Variants in SAMD3 observed in about 807,000 individuals in gnomAD.
The protein encoded by SAMD3 is sterile alpha motif domain containing 3, also known as sterile alpha motif domain-containing protein 3.
Under a neutral mutation model 58.5 loss-of-function variants are expected in SAMD3, and 63 were observed. That is an observed-to-expected ratio of 1.08 (90% CI 0.88 to 1.33). The LOEUF (loss-of-function observed/expected upper bound fraction) is 1.33, where lower values mean the gene tolerates loss of function less well. Among genes scored for constraint, SAMD3 ranks in the 40% most tolerant of loss-of-function variants. SAMD3 has a pLI of 0.00. For synonymous variants in SAMD3, 220 were observed against 210.3 expected, an observed-to-expected ratio of 1.05 and a Z score of -0.40; for missense variants, 604 against 608.4, an observed-to-expected ratio of 0.99 and a Z score of 0.08.
intron 1 of SAMD3, among the ~76,000 whole-genome samples, chr6:130,218,811 A>T (rs1309682364): frequency 6.6e-6 from 1 of 152,208 alleles, no homozygotes; most frequent in Admixed American, 6.5e-5. Flanking sequence ...AAGTAAAAAA[A>T]ACCAGAAAAA....
At chr6:130,335,672 C>A (rs1160583872) in intron 1 of SAMD3, among the ~76,000 whole-genome samples, 6 of 152,030 alleles carry the variant, frequency 3.9e-5, no homozygotes. Flanking sequence ...GGGTATATAC[C>A]CAAAGGACTA....
chr6:130,176,530 C>T (rs1791749833), intron 7 of SAMD3, among the ~76,000 whole-genome samples: 1 of 152,198 alleles, frequency 6.6e-6, no homozygotes, highest in Non-Finnish European at 1.5e-5. Flanking sequence ...GACCAACTCC[C>T]CACTCTGGGA....
At chr6:130,152,963 C>T (rs1024005056) in intron 9 of SAMD3, among the ~76,000 whole-genome samples, 3 of 152,142 alleles carry the variant, frequency 2.0e-5, no homozygotes, top group African/African-American at 7.2e-5. Flanking sequence ...ATATTCATCA[C>T]TAAGCCTTTG....
intron 2 of SAMD3, among the ~76,000 whole-genome samples, chr6:130,290,812 TAAAC>T (rs1000696115): frequency 3.9e-5 from 6 of 152,218 alleles, no homozygotes; most frequent in Admixed American, 3.9e-4. Flanking sequence ...TGGCTACTAT[TAAAC>T]AAAAGCCATT....
chr6:130,278,687 T>C (rs118010043), intron 2 of SAMD3, among the ~76,000 whole-genome samples: 3,286 of 152,236 alleles, frequency 0.022, 52 homozygotes, highest in Non-Finnish European at 0.028. Context: ...GGCTTTTCAT[T>C]GCCTCAGTCC....
chr6:130,299,589 G>A (rs1446530361), intron 2 of SAMD3, among the ~76,000 whole-genome samples: 1 of 152,016 alleles, frequency 6.6e-6, no homozygotes, highest in Non-Finnish European at 1.5e-5. Flanking sequence ...AAAGCTAACA[G>A]AAGAAAAGCA....
intron 2 of SAMD3, among the ~76,000 whole-genome samples, chr6:130,246,604 A>C (rs945262509): frequency 1.3e-5 from 2 of 152,112 alleles, no homozygotes; most frequent in African/African-American, 4.8e-5. Context: ...GAGCATATAC[A>C]AATGCACAGT....
intron 2 of SAMD3, chr6:130,215,680 C>T (rs1481653929): frequency 1.4e-6 from 2 of 1,434,778 alleles, no homozygotes; most frequent in Non-Finnish European, 9.1e-7. Context: ...CCAGGCTCCT[C>T]AGGAAGTGGT....
At chr6:130,293,561 G>C (rs1775455079) in intron 2 of SAMD3, among the ~76,000 whole-genome samples, 1 of 151,236 alleles carries the variant, frequency 6.6e-6, no homozygotes, top group Non-Finnish European at 1.5e-5. Flanking sequence ...TCCTTAAGTA[G>C]GAAGTTGCTT....
At chr6:130,215,607 A>G (rs886611078) in intron 2 of SAMD3, 9 of 1,391,344 alleles carry the variant, frequency 6.5e-6, no homozygotes, top group African/African-American at 4.3e-5. Context: ...ATGGTACCCA[A>G]TCCTGTACCA....
Position 130,209,481 on chromosome 6 carries a change from G to A in SAMD3, c.383+14C>T. On this transcript the variant is annotated intron_variant, in intron 5 of 11. Coordinates refer to ENST00000439090, the MANE Select transcript of SAMD3 (RefSeq NM_001017373.4). ...TTATTTGGCTTTAAACTGTCTTAAA[G>A]TTGGTACCCCCACCTCTGTTTCAAT... 3 of 1,418,302 alleles carry A rather than the reference G, an allele frequency of 2.1e-6. No homozygotes were observed. The highest frequency in any genetic ancestry group is 2.3e-5 in the South Asian group (2 of 86,430). 87.9% of individuals were successfully genotyped at this position (1,418,302 alleles called of 1,614,324 possible).
At chr6:130,299,663 A>C (rs1291634305) in intron 2 of SAMD3, among the ~76,000 whole-genome samples, 2 of 152,184 alleles carry the variant, frequency 1.3e-5, no homozygotes, top group African/African-American at 2.4e-5. Flanking sequence ...AGGATCAACA[A>C]AACAAGAAGT....
intron 1 of SAMD3, among the ~76,000 whole-genome samples, chr6:130,334,121 A>T (rs995208168): frequency 2.0e-5 from 3 of 152,292 alleles, no homozygotes; most frequent in South Asian, 2.1e-4. Context: ...ATAGGTTTTA[A>T]AAAAAACTAA....
intron 2 of SAMD3, among the ~76,000 whole-genome samples, chr6:130,306,672 G>T (rs1381788785): frequency 2.0e-5 from 3 of 152,210 alleles, no homozygotes; most frequent in Non-Finnish European, 4.4e-5. Context: ...AATATAGCTT[G>T]CAGACTTCCA....
At chr6:130,231,596 T>C (rs1047430194) in intron 2 of SAMD3, among the ~76,000 whole-genome samples, 3 of 151,836 alleles carry the variant, frequency 2.0e-5, no homozygotes, top group Non-Finnish European at 4.4e-5. Flanking sequence ...AAGTAATTTT[T>C]AAGGATAGCA....
chr6:130,245,241 G>A (rs879760064), intron 2 of SAMD3, among the ~76,000 whole-genome samples: 17 of 152,212 alleles, frequency 1.1e-4, no homozygotes, highest in Non-Finnish European at 2.4e-4. Context: ...CCAAAGGCAA[G>A]TAGAAAATAC....
At chr6:130,197,378 T>C (rs888272381) in intron 5 of SAMD3, among the ~76,000 whole-genome samples, 15 of 152,242 alleles carry the variant, frequency 9.9e-5, no homozygotes, top group Non-Finnish European at 1.6e-4. Context: ...CAGCTGATAT[T>C]TCCTGGTGCT....
chr6:130,250,803 C>T (rs775108083), intron 2 of SAMD3, among the ~76,000 whole-genome samples: 5 of 152,136 alleles, frequency 3.3e-5, no homozygotes, highest in African/African-American at 1.2e-4. Context: ...AATATTCCAT[C>T]GTATTAACAT....
intron 7 of SAMD3, among the ~76,000 whole-genome samples, chr6:130,182,428 G>A (rs1792446225): frequency 6.6e-6 from 1 of 151,978 alleles, no homozygotes; most frequent in Non-Finnish European, 1.5e-5. Context: ...TCCTCAGTCT[G>A]AGTGGTGAAA....
Sources: allele counts gnomAD v4.1 joint callset (sites outside exome capture counted in the v4.1 genomes callset), GRCh38; gene constraint gnomAD v4.1.1; transcripts MANE v1.5; gene names NCBI Gene and HGNC (gene_info 2026-07-23, HGNC 2026-07-21).